WNK1: variants seen among roughly 807,000 people sequenced by gnomAD.
WNK1 encodes the protein WNK lysine deficient protein kinase 1, also known as serine/threonine-protein kinase WNK1.
Under a neutral mutation model 222.8 loss-of-function variants are expected in WNK1, and 38 were observed. The observed-to-expected ratio is 0.17, with a 90% confidence interval of 0.13 to 0.22. The LOEUF is 0.22. Ranked by LOEUF, WNK1 falls within the 10% of genes least tolerant of loss-of-function variation. The pLI is 1.00. For missense variants in WNK1, 2,348 were observed against 2,918.4 expected, an observed-to-expected ratio of 0.80 and a Z score of 4.50; for synonymous variants, 1,090 against 1,092.9, an observed-to-expected ratio of 1.00 and a Z score of 0.05.
At chr12:861,580 TC>T (rs1951222878) in intron 7 of WNK1, among the ~76,000 whole-genome samples, 1 of 152,214 alleles carries the variant, frequency 6.6e-6, no homozygotes, top group Non-Finnish European at 1.5e-5. Context: ...AGCTTCAACA[TC>T]TTGGAGGTTT....
intron 4 of WNK1, among the ~76,000 whole-genome samples, chr12:849,742 G>T (rs200139818): frequency 1.4e-5 from 2 of 140,354 alleles, no homozygotes; most frequent in African/African-American, 2.6e-5. Flanking sequence ...AACAGGCCCC[G>T]GTGTGTGATG....
intron 1 of WNK1, among the ~76,000 whole-genome samples, chr12:786,086 G>A (rs1219095096): frequency 6.6e-6 from 1 of 152,090 alleles, no homozygotes; most frequent in Non-Finnish European, 1.5e-5. Flanking sequence ...GTATGCTGTT[G>A]TAAAAATTGA....
intron 2 of WNK1, among the ~76,000 whole-genome samples, chr12:826,582 C>T (rs1017489968): frequency 5.3e-5 from 8 of 152,192 alleles, no homozygotes; most frequent in African/African-American, 1.9e-4. Flanking sequence ...TTTATAAATA[C>T]ATCTGTGTCT....
intron 14 of WNK1, 128 bp downstream of exon 14, chr12:882,201 A>T (rs1026834971): frequency 2.9e-5 from 26 of 889,744 alleles, no homozygotes; most frequent in African/African-American, 5.3e-5. Context: ...GTGACAGATA[A>T]TTTTTTTTTT....
chr12:878,300 C>G lies in WNK1; in HGVS notation c.2312C>G (p.Ala771Gly). ...QTSTSSEATT[A>G]QPVSQPQAPQ... ...TCAACCTCCAGTGAGGCCACTACTG[C>G]ACAGCCAGTGAGTCAGCCTCAAGCT... The change falls in exon 10 of 28, where the codon GCA becomes GGA. Residue 771 changes from alanine (A) to glycine (G), a missense_variant. Physicochemically the swap from Ala to Gly is moderately conservative, Grantham distance 60 (BLOSUM62 0). Transcript: ENST00000315939. 6.2e-7 allele frequency: 1 copy of G among 1,614,008 alleles called. No homozygotes were observed. Among genetic ancestry groups the G allele is most frequent in the Non-Finnish European group, 8.5e-7 (1 of 1,179,924 alleles).
In WNK1 at chr12:908,861, G is replaced by GGGGGGGGGGGGGGGGGGGCC; in HGVS notation, c.*69_*70insGGGGGGGGGGGGGGGGGGCC. ...ATGCTGAGGGGGTGGGTGGGGGTGG[G>GGGGGGGGGGGGGGGGGGGCC]AAGTAGCCTATATACTAACTACTAG... On this transcript the variant is annotated 3_prime_UTR_variant, in exon 28 of 28. Coordinates refer to ENST00000315939, the MANE Select transcript of WNK1 (RefSeq NM_018979.4). 1 of 491,846 alleles carries GGGGGGGGGGGGGGGGGGGCC rather than the reference G, an allele frequency of 2.0e-6. No homozygotes were observed. The highest frequency in any genetic ancestry group is 6.0e-5 in the East Asian group (1 of 16,748). 30.5% of individuals were successfully genotyped at this position (491,846 alleles called of 1,614,324 possible). A position where few individuals can be genotyped will look rare whatever the true frequency, so the allele number is the denominator to read the frequency against.
chr12:766,253 TATATG>T (rs1181169955), intron 1 of WNK1, among the ~76,000 whole-genome samples: 6 of 152,104 alleles, frequency 3.9e-5, no homozygotes, highest in Non-Finnish European at 7.4e-5. Flanking sequence ...CATAATAAAA[TATATG>T]TATGTAAATA....
chr12:832,779 T>A (rs1025120743), intron 4 of WNK1, among the ~76,000 whole-genome samples: 2 of 152,258 alleles, frequency 1.3e-5, no homozygotes, highest in Non-Finnish European at 2.9e-5. Flanking sequence ...CAGATTCTAA[T>A]ACACAATATA....
At chr12:879,257 A>T (rs1042261073) in intron 10 of WNK1, among the ~76,000 whole-genome samples, 1 of 151,952 alleles carries the variant, frequency 6.6e-6, no homozygotes, top group Non-Finnish European at 1.5e-5. Context: ...TAAAAAAAAA[A>T]GCCAACCCCT....
chr12:908,296 C>A, intron 27 of WNK1, 179 bp from the exon 28 acceptor site: 1 of 772,698 alleles, frequency 1.3e-6, no homozygotes, highest in South Asian at 1.7e-5. Flanking sequence ...ACGCACATGA[C>A]ATCCCTCCCT....
chr12:811,018 T>C (rs912166664), intron 1 of WNK1, among the ~76,000 whole-genome samples: 8 of 152,188 alleles, frequency 5.3e-5, no homozygotes, highest in Non-Finnish European at 1.0e-4. Context: ...GGGTTAGCTG[T>C]ATCAGCTTTA....
At chr12:795,775 T>C (rs4980845) in intron 1 of WNK1, among the ~76,000 whole-genome samples, 150,491 of 152,328 alleles carry the variant, frequency 0.99, 74,363 homozygotes, top group Non-Finnish European at 1. Flanking sequence ...CATTATAATA[T>C]TGATACTGTT....
chr12:781,994 CACTTA>C (rs1196404202), intron 1 of WNK1, among the ~76,000 whole-genome samples: 2 of 152,150 alleles, frequency 1.3e-5, no homozygotes, highest in Non-Finnish European at 2.9e-5. Flanking sequence ...ATATCCTCCT[CACTTA>C]ACTTCTAAGG....
intron 4 of WNK1, among the ~76,000 whole-genome samples, chr12:845,071 A>G (rs1018751510): frequency 4.7e-5 from 7 of 149,424 alleles, no homozygotes; most frequent in Admixed American, 4.6e-4. Flanking sequence ...AATTTTTTGT[A>G]TTTTTAGTAG....
intron 1 of WNK1, among the ~76,000 whole-genome samples, chr12:761,608 CAGTG>C (rs1276790871): frequency 2.0e-5 from 3 of 147,834 alleles, no homozygotes; most frequent in African/African-American, 4.9e-5. Context: ...ATAAACCAAA[CAGTG>C]AGAGATGAAA....
chr12:851,504 A>G, intron 4 of WNK1: 1 of 1,153,668 alleles, frequency 8.7e-7, no homozygotes. Flanking sequence ...TCCATCTAGA[A>G]TAAATCTGTT....
chr12:801,637 G>C (rs1244789757), intron 1 of WNK1, among the ~76,000 whole-genome samples: 1 of 151,238 alleles, frequency 6.6e-6, no homozygotes, highest in Non-Finnish European at 1.5e-5. Flanking sequence ...TGATCTCCTG[G>C]CCTCAAGTGG....
chr12:817,599 A>G (rs1300708735), intron 2 of WNK1, among the ~76,000 whole-genome samples: 1 of 152,192 alleles, frequency 6.6e-6, no homozygotes, highest in Non-Finnish European at 1.5e-5. Context: ...TGAAACAGAT[A>G]AAACACCCAT....
At chr12:800,298 A>AT (rs1457774558) in intron 1 of WNK1, among the ~76,000 whole-genome samples, 2 of 152,080 alleles carry the variant, frequency 1.3e-5, no homozygotes, top group African/African-American at 4.8e-5. Context: ...CTTTTCCTTC[A>AT]TTTTTTGGCT....
Sources: gnomAD v4.1 joint callset for allele counts (sites outside exome capture counted in the v4.1 genomes callset) on GRCh38, gnomAD v4.1.1 for gene constraint, MANE v1.5 for transcripts, NCBI Gene and HGNC (gene_info 2026-07-23, HGNC 2026-07-21) for gene names.